The following YAP1 variants were observed in gnomAD, a reference collection of about 807,000 sequenced individuals.
The protein encoded by YAP1 is transcriptional coactivator YAP1.
A neutral mutation model predicts 56.9 loss-of-function variants in YAP1; 5 were observed. The observed-to-expected ratio is 0.09, with a 90% confidence interval of 0.05 to 0.18. The LOEUF (loss-of-function observed/expected upper bound fraction) is 0.18. Ranked by LOEUF, YAP1 falls within the 10% of genes least tolerant of loss-of-function variation. YAP1 has a pLI of 1.00. For synonymous variants in YAP1, 265 were observed against 248.1 expected, an observed-to-expected ratio of 1.07 and a Z score of -0.64; for missense variants, 539 against 651.8, an observed-to-expected ratio of 0.83 and a Z score of 1.88.
intron 3 of YAP1, 75 bp downstream of exon 3, chr11:102,162,646 A>G: frequency 2.1e-6 from 3 of 1,405,338 alleles, no homozygotes; most frequent in Non-Finnish European, 3.0e-6. Context: ...GAAAATAGTC[A>G]TTACTCGTTT....
intron 5 of YAP1, among the ~76,000 whole-genome samples, chr11:102,208,491 T>A (rs1949232996): frequency 6.6e-6 from 1 of 152,168 alleles, no homozygotes; most frequent in Non-Finnish European, 1.5e-5. Context: ...TTTCTTTATC[T>A]GACATAAAAA....
At chr11:102,128,146 G>A (rs935162367) in intron 2 of YAP1, among the ~76,000 whole-genome samples, 1 of 152,170 alleles carries the variant, frequency 6.6e-6, no homozygotes, top group Non-Finnish European at 1.5e-5. Context: ...TGGGGGAACT[G>A]TTGGGAAGGC....
At chr11:102,180,681 C>CAA (rs58820066) in intron 3 of YAP1, among the ~76,000 whole-genome samples, 64 of 42,400 alleles carry the variant, frequency 1.5e-3, no homozygotes, top group Middle Eastern at 0.015. Flanking sequence ...GACTCCATCT[C>CAA]AAAAAAAAAA....
chr11:102,129,867 A>G (rs139097653), intron 2 of YAP1, among the ~76,000 whole-genome samples: 2,193 of 139,446 alleles, frequency 0.016, 27 homozygotes, highest in African/African-American at 0.036. Context: ...CAGTGGCACT[A>G]TCTCAGCTCA....
chr11:102,159,431 T>G (rs1014212700), intron 2 of YAP1, among the ~76,000 whole-genome samples: 6 of 152,246 alleles, frequency 3.9e-5, no homozygotes, highest in African/African-American at 1.4e-4. Context: ...ACCTGTGGCA[T>G]CTACCTACTG....
intron 2 of YAP1, among the ~76,000 whole-genome samples, chr11:102,122,405 A>G (rs1943713809): frequency 6.8e-6 from 1 of 147,964 alleles, no homozygotes; most frequent in Non-Finnish European, 1.5e-5. Flanking sequence ...AGCCTGGGCA[A>G]CAGAGCCAGA....
chr11:102,148,046 C>A, intron 2 of YAP1, among the ~76,000 whole-genome samples: 1 of 152,116 alleles, frequency 6.6e-6, no homozygotes, highest in East Asian at 1.9e-4. Context: ...ATTGTGTTAG[C>A]TTTATGACTA....
chr11:102,221,554 C>A (rs778675384), intron 6 of YAP1, among the ~76,000 whole-genome samples: 4 of 151,944 alleles, frequency 2.6e-5, no homozygotes, highest in Admixed American at 6.6e-5. Context: ...AAAACCCTGT[C>A]TCTACAAAAA....
intron 6 of YAP1, among the ~76,000 whole-genome samples, chr11:102,214,806 A>C (rs888384448): frequency 6.6e-6 from 1 of 152,178 alleles, no homozygotes; most frequent in Non-Finnish European, 1.5e-5. Flanking sequence ...TGCCATAATA[A>C]CTTTGAGACC....
intron 2 of YAP1, among the ~76,000 whole-genome samples, chr11:102,141,103 C>A (rs17097419): frequency 6.6e-6 from 1 of 152,222 alleles, no homozygotes; most frequent in South Asian, 2.1e-4. Context: ...CCTTAAGATT[C>A]AGCTCAGGTG....
At chr11:102,165,263 G>T (rs1946534484) in intron 3 of YAP1, among the ~76,000 whole-genome samples, 2 of 152,148 alleles carry the variant, frequency 1.3e-5, no homozygotes. Context: ...AGGAGGCTGA[G>T]GTGGGAGGAT....
intron 2 of YAP1, among the ~76,000 whole-genome samples, chr11:102,153,752 T>A (rs1945792209): frequency 6.6e-6 from 1 of 152,178 alleles, no homozygotes; most frequent in Admixed American, 6.5e-5. Flanking sequence ...CTTTTTAGAT[T>A]CCGAGAGCTT....
At chr11:102,165,095 A>G (rs1946522065) in intron 3 of YAP1, among the ~76,000 whole-genome samples, 1 of 152,044 alleles carries the variant, frequency 6.6e-6, no homozygotes, top group South Asian at 2.1e-4. Context: ...ACAGTGGCTC[A>G]CACCTATAAT....
intron 4 of YAP1, among the ~76,000 whole-genome samples, chr11:102,189,446 C>T (rs1341695608): frequency 6.6e-6 from 1 of 152,124 alleles, no homozygotes; most frequent in Non-Finnish European, 1.5e-5. Flanking sequence ...TGTTACCAAT[C>T]TGTGTTTTAG....
chr11:102,193,821 G>A (rs2135543132), intron 4 of YAP1, among the ~76,000 whole-genome samples: 1 of 151,890 alleles, frequency 6.6e-6, no homozygotes, highest in East Asian at 1.9e-4. Context: ...GTTTTTTGGG[G>A]GTTTTTTTTT....
chr11:102,140,306 A>T (rs573177324), intron 2 of YAP1, among the ~76,000 whole-genome samples: 8 of 152,336 alleles, frequency 5.3e-5, no homozygotes, highest in African/African-American at 1.9e-4. Context: ...TCATTTCAAG[A>T]AAGCAACAAT....
intron 6 of YAP1, among the ~76,000 whole-genome samples, chr11:102,216,149 C>T (rs531203875): frequency 2.0e-5 from 3 of 152,202 alleles, no homozygotes; most frequent in South Asian, 4.1e-4. Context: ...AAAGAGTTTT[C>T]TCCTATAAGG....
chr11:102,222,021 C>G (rs774831116), intron 6 of YAP1, among the ~76,000 whole-genome samples: 5 of 151,950 alleles, frequency 3.3e-5, no homozygotes, highest in Non-Finnish European at 7.4e-5. Context: ...TTAAGAAACT[C>G]TGGTTTAAAG....
chr11:102,220,261 A>AT (rs981180143), intron 6 of YAP1, among the ~76,000 whole-genome samples: 20 of 152,078 alleles, frequency 1.3e-4, no homozygotes, highest in Non-Finnish European at 1.5e-5. Flanking sequence ...TTGAGATAGT[A>AT]TGCCATATTT....
Sources: allele counts gnomAD v4.1 joint callset (sites outside exome capture counted in the v4.1 genomes callset), GRCh38; gene constraint gnomAD v4.1.1; transcripts MANE v1.5; gene names NCBI Gene and HGNC (gene_info 2026-07-23, HGNC 2026-07-21).